Variants in TMPRSS15 observed in about 807,000 individuals in gnomAD.
TMPRSS15 encodes the protein enteropeptidase.
In TMPRSS15, 128 loss-of-function variants were observed where a neutral mutation model predicts 125.3. That is an observed-to-expected ratio of 1.02 (90% CI 0.89 to 1.18). The LOEUF is 1.18. Ranked by LOEUF, TMPRSS15 falls within the 50% of genes most tolerant of loss-of-function variation. The pLI is 0.00. For missense variants in TMPRSS15, 1,283 were observed against 1,212.7 expected, an observed-to-expected ratio of 1.06 and a Z score of -0.86; for synonymous variants, 446 against 423.2, an observed-to-expected ratio of 1.05 and a Z score of -0.66.
intron 11 of TMPRSS15, 125 bp from the exon 12 acceptor site, chr21:18,343,781 C>T: frequency 8.0e-7 from 1 of 1,252,488 alleles, no homozygotes; most frequent in Non-Finnish European, 1.2e-6. Context: ...TTTGGAGTTG[C>T]TGGGGATGGG....
intron 23 of TMPRSS15, 103 bp downstream of exon 23, chr21:18,278,861 A>G (rs1377687315): frequency 1.5e-6 from 1 of 674,762 alleles, no homozygotes; most frequent in African/African-American, 1.8e-5. Context: ...CTGTTATATA[A>G]GAATTGCAAA....
At chr21:18,401,966 A>G (rs2076098719) in intron 1 of TMPRSS15, among the ~76,000 whole-genome samples, 1 of 150,508 alleles carries the variant, frequency 6.6e-6, no homozygotes, top group Non-Finnish European at 1.5e-5. Context: ...ATTCACAGCA[A>G]TTAAATAAGA....
intron 1 of TMPRSS15, among the ~76,000 whole-genome samples, chr21:18,427,331 C>T (rs1465329593): frequency 2.7e-5 from 4 of 150,876 alleles, no homozygotes; most frequent in Non-Finnish European, 4.4e-5. Flanking sequence ...GTCTAACCCT[C>T]TAAGCCACAC....
chr21:18,321,830 G>A (rs1378927381), intron 16 of TMPRSS15, among the ~76,000 whole-genome samples: 1 of 152,074 alleles, frequency 6.6e-6, no homozygotes, highest in Non-Finnish European at 1.5e-5. Context: ...GGAAGCAGAC[G>A]GTGCTGATGA....
chr21:18,299,716 C>CA, intron 18 of TMPRSS15, among the ~76,000 whole-genome samples: 1 of 152,316 alleles, frequency 6.6e-6, no homozygotes, highest in Admixed American at 6.5e-5. Context: ...ACGTTCTTGA[C>CA]TCCCCATGAC....
Position 18,353,735 on chromosome 21 carries a change from T to C in TMPRSS15, c.1009A>G (p.Ser337Gly). 1 of 1,610,912 alleles carries C rather than the reference T, an allele frequency of 6.2e-7. No individual in the cohort carries two copies. Among genetic ancestry groups the C allele is most frequent in the Non-Finnish European group, 8.5e-7 (1 of 1,178,034 alleles). The stretch of plus-strand genomic sequence containing the variant: ...AAATAATACTTACTATTAAGCTCAC[T>C]GCTGTTAAATGCAGTATATGTTGCA... The part of the protein sequence containing the change: ...FNATYTAFNS[S>G]ELNNYEKINC... Residue 337 changes from serine to glycine, a missense_variant, in exon 9 of 25, where the codon AGT becomes GGT. By Grantham distance (56) the Ser-to-Gly change is moderately conservative. Transcript: ENST00000284885.
chr21:18,449,376 A>C (rs948014902), intron 1 of TMPRSS15, among the ~76,000 whole-genome samples: 1 of 152,142 alleles, frequency 6.6e-6, no homozygotes, highest in African/African-American at 2.4e-5. Flanking sequence ...AAGGTGGTAC[A>C]TGTGTCTTCT....
intron 13 of TMPRSS15, among the ~76,000 whole-genome samples, chr21:18,333,970 G>A (rs1319485649): frequency 6.6e-6 from 1 of 151,964 alleles, no homozygotes; most frequent in Non-Finnish European, 1.5e-5. Flanking sequence ...GCAGAAAACT[G>A]GAATAAATAT....
chr21:18,365,248 G>A lies in TMPRSS15; in HGVS notation c.665C>T (p.Ala222Val), dbSNP rs1437470597. 5.0e-6 allele frequency: 8 copies of A among 1,612,528 alleles called. No homozygotes were observed. In the East Asian group the frequency reaches 1.6e-4, roughly 31 times the overall value. Residue 222 changes from alanine (A) to valine (V), a missense_variant and splice_region_variant, in exon 7 of 25, where the codon GCC becomes GTC. Ala to Val is a moderately conservative substitution (Grantham distance 64, BLOSUM62 0). Coordinates refer to ENST00000284885, the MANE Select transcript of TMPRSS15 (RefSeq NM_002772.3). ...DGSDEDNKMC[A>V]TVCDGRFLLT... Reference sequence around the variant, plus strand: ...CAAAAATCTTCCATCACAAACTGTGGCTGCAAAACGATGCCAATTAATGTT... The same window carrying A: ...CAAAAATCTTCCATCACAAACTGTGACTGCAAAACGATGCCAATTAATGTT...
intron 6 of TMPRSS15, among the ~76,000 whole-genome samples, chr21:18,369,973 C>CAAAAAAAAAAAAAAAAAAAA (rs148057792): frequency 2.2e-5 from 3 of 136,006 alleles, no homozygotes; most frequent in Non-Finnish European, 4.7e-5. Flanking sequence ...CTTACTTAAA[C>CAAAAAAAAAAAAAAAAAAAA]GAAAAAAAAA....
Position 18,279,048 on chromosome 21 carries a change from G to A in TMPRSS15, c.2680C>T (p.Pro894Ser), listed in dbSNP as rs1420776547. 4 of 1,571,042 alleles carry A rather than the reference G, an allele frequency of 2.5e-6. No homozygotes were observed. Among genetic ancestry groups the A allele is most frequent in the Admixed American group, 1.7e-5 (1 of 59,166 alleles). ...FKVNYTDYIQPICLPEENQVF... is the reference protein window; with the variant it reads ...FKVNYTDYIQSICLPEENQVF... ...TGATTTTCTTCCGGTAAACAAATAG[G>A]TTGTATGTAATCTGGAAAAACAAGC... The change falls in exon 23 of 25, where the codon CCT becomes TCT. Residue 894 changes from proline to serine, a missense_variant. By Grantham distance (74) the Pro-to-Ser change is moderately conservative. Transcript: ENST00000284885.
chr21:18,388,362 G>A (rs1321582403), intron 3 of TMPRSS15, among the ~76,000 whole-genome samples: 1 of 152,110 alleles, frequency 6.6e-6, no homozygotes, highest in East Asian at 1.9e-4. Flanking sequence ...TTGTCATCTA[G>A]AGAAATAAAA....
chr21:18,470,875 T>C (rs1004159063), intron 1 of TMPRSS15, among the ~76,000 whole-genome samples: 1 of 152,080 alleles, frequency 6.6e-6, no homozygotes, highest in Non-Finnish European at 1.5e-5. Flanking sequence ...GATATTTTCC[T>C]CTTTGTGGAA....
At position 18,313,097 on chromosome 21, in the gene TMPRSS15, A is replaced by C; in HGVS notation, c.2033-20T>G. ...AACGCACTAAAGACACAGAGAGCAT[A>C]ATGGTAGTTACCAGAGACTGAAGGG... On this transcript the variant is annotated intron_variant, in intron 17 of 24. Transcript: ENST00000284885. 1 of 1,571,844 alleles carries C rather than the reference A, an allele frequency of 6.4e-7. No individual in the cohort carries two copies. Among genetic ancestry groups the C allele is most frequent in the Non-Finnish European group, 8.8e-7 (1 of 1,141,628 alleles).
intron 16 of TMPRSS15, among the ~76,000 whole-genome samples, chr21:18,320,138 C>T (rs2075219184): frequency 6.6e-6 from 1 of 152,034 alleles, no homozygotes; most frequent in Non-Finnish European, 1.5e-5. Flanking sequence ...AGCATTAATA[C>T]TTTGACTATA....
intron 6 of TMPRSS15, among the ~76,000 whole-genome samples, chr21:18,367,053 A>C (rs2075744872): frequency 6.6e-6 from 1 of 152,124 alleles, no homozygotes; most frequent in Non-Finnish European, 1.5e-5. Flanking sequence ...CAGGTGCATA[A>C]AAATTTACTT....
At chr21:18,305,210 A>T (rs924641373) in intron 18 of TMPRSS15, among the ~76,000 whole-genome samples, 2 of 16,848 alleles carry the variant, frequency 1.2e-4, no homozygotes, top group Admixed American at 6.2e-4. Flanking sequence ...TTTTTTTGAG[A>T]CGGAGTCTCC....
intron 16 of TMPRSS15, among the ~76,000 whole-genome samples, chr21:18,320,207 A>C (rs969672609): frequency 3.3e-5 from 5 of 152,098 alleles, no homozygotes; most frequent in Admixed American, 6.5e-5. Context: ...AAATGTAGGT[A>C]GAAGTGTTTG....
chr21:18,347,712 C>CA (rs1291258509), intron 10 of TMPRSS15, among the ~76,000 whole-genome samples: 1 of 152,078 alleles, frequency 6.6e-6, no homozygotes, highest in Non-Finnish European at 1.5e-5. Context: ...ATAAAAGGAA[C>CA]AACTGAAGAG....
Sources: allele counts gnomAD v4.1 joint callset (sites outside exome capture counted in the v4.1 genomes callset), GRCh38; gene constraint gnomAD v4.1.1; transcripts MANE v1.5; gene names NCBI Gene and HGNC (gene_info 2026-07-23, HGNC 2026-07-21).